Variants in ALK observed in about 807,000 individuals in gnomAD.
ALK encodes the protein ALK tyrosine kinase receptor.
Under a neutral mutation model 163.1 loss-of-function variants are expected in ALK, and 74 were observed. The observed-to-expected ratio is 0.45, with a 90% confidence interval of 0.38 to 0.55. The LOEUF (loss-of-function observed/expected upper bound fraction) is 0.55, where lower values mean the gene tolerates loss of function less well. ALK is among the 20% of genes least tolerant of loss of function. The pLI is 0.00. For synonymous variants in ALK, 960 were observed against 843.2 expected (o/e 1.14, Z -2.40); for missense variants, 2,063 against 2,105.3 (o/e 0.98, Z 0.39).
chr2:29,674,188 C>G (rs1677799578), intron 3 of ALK, among the ~76,000 whole-genome samples: 1 of 151,756 alleles, frequency 6.6e-6, no homozygotes, highest in Non-Finnish European at 1.5e-5. Flanking sequence ...CCTAATTGCC[C>G]TGGCCAGAAC....
In ALK at chr2:29,454,252, G is replaced by A. The variant is rs78657216; in HGVS notation, c.1155-70393C>T. 6.9e-3 allele frequency among the ~76,000 whole-genome samples: 1,052 copies of A among 152,158 alleles called. 10 individuals are homozygous for A. The highest frequency in any genetic ancestry group is 0.013 in the Admixed American group (194 of 15,276). ...AGTATTTCTGGGGGATTGGTTCCAG[G>A]ACCCCCCTGTGGATACCAAAATTCA... On this transcript the variant is annotated intron_variant, in intron 4 of 28. Coordinates refer to ENST00000389048, the MANE Select transcript of ALK (RefSeq NM_004304.5).
rs1162443240 is a variant in ALK, at chr2:29,193,037, A to G, written c.*187T>C. 1 of 647,204 alleles carries G rather than the reference A, an allele frequency of 1.5e-6. No individual in the cohort carries two copies. Among genetic ancestry groups the G allele is most frequent in the Non-Finnish European group, 2.7e-6 (1 of 367,852 alleles). 40.1% of individuals were successfully genotyped at this position (647,204 alleles called of 1,614,324 possible). ...TGATATTTTCTTCTTTCGAAAGAATAGGATGAACCCATGCTCAAAACCTTT... is the reference window on the plus strand; with the variant it reads ...TGATATTTTCTTCTTTCGAAAGAATGGGATGAACCCATGCTCAAAACCTTT... On this transcript the variant is annotated 3_prime_UTR_variant, in exon 29 of 29. Transcript: ENST00000389048.
chr2:29,279,382 C>T (rs1262770733), intron 9 of ALK, among the ~76,000 whole-genome samples: 1 of 152,184 alleles, frequency 6.6e-6, no homozygotes, highest in African/African-American at 2.4e-5. Flanking sequence ...TGGGCCAACC[C>T]TCCCCCATGG....
intron 3 of ALK, among the ~76,000 whole-genome samples, chr2:29,645,102 C>T (rs1428161608): frequency 6.6e-6 from 1 of 152,126 alleles, no homozygotes; most frequent in East Asian, 1.9e-4. Flanking sequence ...AGAGCCTTTA[C>T]TTTCTCCTCT....
At position 29,320,987 on chromosome 2, in the gene ALK, T is replaced by C. The variant is rs567118697; in HGVS notation, c.1415-105A>G. 2.3e-5 allele frequency: 32 copies of C among 1,376,668 alleles called. No homozygotes were observed. In the African/African-American group the frequency reaches 4.4e-4, roughly 19 times the overall value. 85.3% of individuals were successfully genotyped at this position (1,376,668 alleles called of 1,614,324 possible). ...GGCATGACCAAATTATCTTCATTAG[T>C]AATATAGCTCCCCAGCCAGAATGCT... On this transcript the variant is annotated intron_variant, in intron 6 of 28. Transcript: ENST00000389048.
chr2:29,551,753 TGTAAAATGG>T (rs1673721416), intron 3 of ALK, among the ~76,000 whole-genome samples: 1 of 152,134 alleles, frequency 6.6e-6, no homozygotes. Flanking sequence ...TTCACCAAAA[TGTAAAATGG>T]GTAACTCTGG....
chr2:29,612,362 C>T (rs1467989357), intron 3 of ALK, among the ~76,000 whole-genome samples: 1 of 151,946 alleles, frequency 6.6e-6, no homozygotes, highest in Non-Finnish European at 1.5e-5. Flanking sequence ...TATTAAAGTC[C>T]CTGGTAGGTT....
chr2:29,833,136 C>T (rs1665465167), intron 1 of ALK, among the ~76,000 whole-genome samples: 1 of 152,204 alleles, frequency 6.6e-6, no homozygotes, highest in Non-Finnish European at 1.5e-5. Context: ...CACATAGAGC[C>T]CTCATGCCTG....
chr2:29,315,388 G>C (rs1170978822), intron 8 of ALK, among the ~76,000 whole-genome samples: 1 of 152,162 alleles, frequency 6.6e-6, no homozygotes, highest in African/African-American at 2.4e-5. Context: ...TCTCCCACCC[G>C]CTTCTCTTCT....
chr2:29,192,992 G>A lies in ALK; in HGVS notation c.*232C>T. On this transcript the variant is annotated 3_prime_UTR_variant, in exon 29 of 29. Coordinates refer to ENST00000389048, the MANE Select transcript of ALK (RefSeq NM_004304.5). ...CCTTATGCAACCACATCTGGGCCTT[G>A]TATTTATCACTCATTTTTATGATAT... 1.8e-6 allele frequency: 1 copy of A among 558,320 alleles called. No individual in the cohort carries two copies. The highest frequency in any genetic ancestry group is 3.2e-5 in the East Asian group (1 of 31,718). 34.6% of individuals were successfully genotyped at this position (558,320 alleles called of 1,614,324 possible).
chr2:29,284,596 G>A (rs1665803775), intron 9 of ALK, among the ~76,000 whole-genome samples: 1 of 152,214 alleles, frequency 6.6e-6, no homozygotes, highest in Admixed American at 6.5e-5. Flanking sequence ...CCTAAACCAA[G>A]CTCATGGGCC....
chr2:29,620,160 C>T (rs1675988413), intron 3 of ALK, among the ~76,000 whole-genome samples: 1 of 152,162 alleles, frequency 6.6e-6, no homozygotes, highest in Non-Finnish European at 1.5e-5. Context: ...AAGGAAATCC[C>T]ATTCACTGGG....
At chr2:29,619,860 G>A (rs1422320614) in intron 3 of ALK, among the ~76,000 whole-genome samples, 1 of 152,172 alleles carries the variant, frequency 6.6e-6, no homozygotes, top group East Asian at 1.9e-4. Flanking sequence ...GCGGTGCCAG[G>A]AGGCAGCCCC....
At chr2:29,324,596 T>C (rs1027585525) in intron 6 of ALK, among the ~76,000 whole-genome samples, 7 of 152,148 alleles carry the variant, frequency 4.6e-5, no homozygotes, top group African/African-American at 1.7e-4. Flanking sequence ...GATTATCAAG[T>C]CCATGGGGGA....
In ALK at chr2:29,263,482, C is replaced by T. The variant is rs1364726625; in HGVS notation, c.2041+11617G>A. On this transcript the variant is annotated intron_variant, in intron 11 of 28. Coordinates refer to ENST00000389048, the MANE Select transcript of ALK (RefSeq NM_004304.5). ...GGGATTTGGAGCTAGAAAGGTGTCC[C>T]GACTTCTGGGTCTAGGTCCCAGATC... Among the ~76,000 whole-genome samples the T allele has an allele frequency of 3.3e-5, 5 of 152,074 alleles. No individual in the cohort carries two copies. In the South Asian group the frequency reaches 6.2e-4, roughly 19 times the overall value.
At chr2:29,772,117 C>T (rs1681046985) in intron 1 of ALK, among the ~76,000 whole-genome samples, 1 of 152,034 alleles carries the variant, frequency 6.6e-6, no homozygotes, top group South Asian at 2.1e-4. Context: ...GAAGAGGGCT[C>T]CAGGAGAGAT....
chr2:29,748,711 G>A (rs1680273613), intron 1 of ALK, among the ~76,000 whole-genome samples: 2 of 152,124 alleles, frequency 1.3e-5, no homozygotes, highest in African/African-American at 4.8e-5. Flanking sequence ...TTCAGAAGAA[G>A]GCGCTTAGTC....
intron 3 of ALK, among the ~76,000 whole-genome samples, chr2:29,687,954 A>G (rs1678285707): frequency 6.6e-6 from 1 of 152,324 alleles, no homozygotes; most frequent in Admixed American, 6.5e-5. Context: ...AGTTTTTTAG[A>G]TAAGCCAGTA....
chr2:29,345,457 A>T (rs1385992766), intron 5 of ALK, among the ~76,000 whole-genome samples: 1 of 150,462 alleles, frequency 6.6e-6, no homozygotes, highest in East Asian at 1.9e-4. Context: ...TAAATAAATA[A>T]AAATAATACT....
Sources: gnomAD v4.1 joint callset for allele counts (sites outside exome capture counted in the v4.1 genomes callset) on GRCh38, gnomAD v4.1.1 for gene constraint, MANE v1.5 for transcripts, NCBI Gene and HGNC (gene_info 2026-07-23, HGNC 2026-07-21) for gene names.